Variants in OSBPL11 observed in about 807,000 individuals in gnomAD.
OSBPL11 encodes oxysterol binding protein like 11.
Under a neutral mutation model 84.4 loss-of-function variants are expected in OSBPL11, and 33 were observed. The observed-to-expected ratio is 0.39, with a 90% CI of 0.30 to 0.52. The LOEUF is 0.52. Among genes scored for constraint, OSBPL11 ranks in the 20% least tolerant of loss-of-function variants. OSBPL11 has a pLI of 0.72. For synonymous variants in OSBPL11, 276 were observed against 310.2 expected, an observed-to-expected ratio of 0.89 and a Z score of 1.16; for missense variants, 736 against 901.1, an observed-to-expected ratio of 0.82 and a Z score of 2.35.
At chr3:125,550,367 C>T (rs1935882330) in intron 9 of OSBPL11, among the ~76,000 whole-genome samples, 1 of 125,986 alleles carries the variant, frequency 7.9e-6, no homozygotes, top group Non-Finnish European at 1.6e-5. Context: ...ACAGCTAGAC[C>T]GTGTCACACA....
Position 125,532,125 on chromosome 3 carries a change from C to T in OSBPL11, c.2025-111G>A, listed in dbSNP as rs1334972334. On this transcript the variant is annotated intron_variant, in intron 11 of 12. Coordinates refer to ENST00000296220, the MANE Select transcript of OSBPL11 (RefSeq NM_022776.5). ...TTATAAAATAACGTTTCCTAAATCA[C>T]ATCTACAATGTCATGCTTATGAATT... is the stretch of plus-strand genomic sequence containing the variant. 23 of 1,102,624 alleles carry T rather than the reference C, an allele frequency of 2.1e-5. 1 individual carries two copies. In the South Asian group the frequency reaches 2.9e-4, roughly 14 times the overall value. The allele number at this position is 1,102,624 out of a possible 1,614,324, so 68.3% of individuals were successfully genotyped here.
chr3:125,575,414 A>T (rs1477041155), intron 5 of OSBPL11, among the ~76,000 whole-genome samples: 1 of 152,046 alleles, frequency 6.6e-6, no homozygotes, highest in African/African-American at 2.4e-5. Flanking sequence ...TGTTTTAGAG[A>T]CAGGTCTTAC....
Position 125,552,322 on chromosome 3 carries a change from C to T in OSBPL11, c.1513G>A (p.Val505Ile). The T allele has an allele frequency of 6.2e-7, 1 of 1,614,076 alleles. No homozygotes were observed. The highest frequency in any genetic ancestry group is 8.5e-7 in the Non-Finnish European group (1 of 1,180,024). ...GGATGATGAGAAACCTGCTCAGCAA[C>T]AAATCTGACTGTGTAACAGTCTGAT... is the stretch of plus-strand genomic sequence containing the variant. ...VGSDCYTVRFVAEQVSHHPPV... is the reference protein window; with the variant it reads ...VGSDCYTVRFIAEQVSHHPPV... The change falls in exon 9 of 13, where the codon GTT becomes ATT. Residue 505 changes from valine to isoleucine, a missense_variant. Physicochemically the swap from Val to Ile is conservative, Grantham distance 29 (BLOSUM62 3). Coordinates refer to ENST00000296220, the MANE Select transcript of OSBPL11 (RefSeq NM_022776.5).
intron 5 of OSBPL11, 97 bp downstream of exon 5, chr3:125,576,092 C>T: frequency 1.9e-6 from 2 of 1,040,112 alleles, no homozygotes; most frequent in Non-Finnish European, 2.8e-6. Flanking sequence ...ACAATGAAGG[C>T]CCTTGAAGAC....
rs760519614 is a variant in OSBPL11 at position 125,563,856 on chromosome 3, G to C, written c.869-13C>G. On this transcript the variant is annotated splice_polypyrimidine_tract_variant and intron_variant, in intron 6 of 12. Transcript: ENST00000296220. ...TCGATTGTCGTTCCTGATGGAGTAAGAGAAAACTTTCGCTGAAACTTGCTC... is the reference window on the plus strand; with the variant it reads ...TCGATTGTCGTTCCTGATGGAGTAACAGAAAACTTTCGCTGAAACTTGCTC... The C allele has an allele frequency of 1.9e-6, 3 of 1,608,146 alleles. No individual in the cohort carries two copies. In the Admixed American group the frequency reaches 5.2e-5, roughly 28 times the overall value.
intron 11 of OSBPL11, among the ~76,000 whole-genome samples, chr3:125,532,811 G>A (rs949210266): frequency 2.3e-5 from 1 of 42,950 alleles, no homozygotes; most frequent in Admixed American, 2.2e-4. Flanking sequence ...ATTATGGATA[G>A]GCAAAATGTG....
At chr3:125,569,169 A>G in intron 5 of OSBPL11, among the ~76,000 whole-genome samples, 1 of 151,998 alleles carries the variant, frequency 6.6e-6, no homozygotes, top group East Asian at 1.9e-4. Context: ...TGCTGGTCTC[A>G]AACTCCTGGG....
rs1935519054 is a variant in OSBPL11 at position 125,529,074 on chromosome 3, A to G, written c.*1441T>C. The G allele has an allele frequency of 6.6e-6, 1 of 152,642 alleles. No individual in the cohort carries two copies. Among genetic ancestry groups the G allele is most frequent in the Non-Finnish European group, 1.5e-5 (1 of 68,036 alleles). 9.5% of individuals were successfully genotyped at this position (152,642 alleles called of 1,614,324 possible). A position where few individuals can be genotyped will look rare whatever the true frequency, so the allele number is the denominator to read the frequency against. ...CTACTAACCTCTTTAACAGAACACA[A>G]TTTATCAGAGCACAAAGCTTAAACT... On this transcript the variant is annotated 3_prime_UTR_variant, in exon 13 of 13. Transcript: ENST00000296220.
At chr3:125,582,867 C>G (rs2979382) in intron 2 of OSBPL11, 43 bp downstream of exon 2, 668,192 of 1,363,778 alleles carry the variant, frequency 0.49, 168,612 homozygotes, top group African/African-American at 0.8. Flanking sequence ...CCTATTCCTG[C>G]TCTCTTAGGA....
intron 1 of OSBPL11, among the ~76,000 whole-genome samples, chr3:125,584,068 G>A (rs553412766): frequency 7.2e-5 from 11 of 152,104 alleles, no homozygotes; most frequent in South Asian, 2.1e-4. Flanking sequence ...TCAGCTTCCC[G>A]AAAAACTTAT....
chr3:125,529,068 A>T lies in OSBPL11; in HGVS notation c.*1447T>A, dbSNP rs1009133144. On this transcript the variant is annotated 3_prime_UTR_variant, in exon 13 of 13. Transcript: ENST00000296220. ...TTCATCCTACTAACCTCTTTAACAG[A>T]ACACAATTTATCAGAGCACAAAGCT... 37 of 152,648 alleles carry T rather than the reference A, an allele frequency of 2.4e-4. No homozygotes were observed. Among genetic ancestry groups the T allele is most frequent in the African/African-American group, 8.7e-4 (36 of 41,460 alleles). The allele number at this position is 152,648 out of a possible 1,614,324, so 9.5% of individuals were successfully genotyped here.
chr3:125,586,543 C>T (rs28583173), intron 1 of OSBPL11, among the ~76,000 whole-genome samples: 10,300 of 149,134 alleles, frequency 0.069, 491 homozygotes, highest in Non-Finnish European at 0.1. Context: ...GATGGAGTCT[C>T]GCTCTGTCAC....
chr3:125,585,183 T>G (rs1294976205), intron 1 of OSBPL11, among the ~76,000 whole-genome samples: 2 of 152,158 alleles, frequency 1.3e-5, no homozygotes, highest in South Asian at 2.1e-4. Context: ...TAGGCTGGAG[T>G]GCAGTGGTGT....
At chr3:125,567,625 C>G in intron 5 of OSBPL11, 30 bp from the exon 6 acceptor site, 1 of 1,559,168 alleles carries the variant, frequency 6.4e-7, no homozygotes, top group Non-Finnish European at 8.8e-7. Context: ...GTGGGTCCTA[C>G]TCATGATTTC....
chr3:125,551,807 A>C (rs1296128589), intron 9 of OSBPL11, among the ~76,000 whole-genome samples: 2 of 152,066 alleles, frequency 1.3e-5, no homozygotes, highest in African/African-American at 4.8e-5. Context: ...AAACGAAAAG[A>C]AATATTTAAA....
intron 12 of OSBPL11, among the ~76,000 whole-genome samples, chr3:125,530,994 T>G (rs991725665): frequency 6.6e-6 from 1 of 151,216 alleles, no homozygotes; most frequent in Non-Finnish European, 1.5e-5. Context: ...CTTTTTTTTT[T>G]CCCCCAAGAC....
intron 3 of OSBPL11, among the ~76,000 whole-genome samples, chr3:125,579,555 T>A (rs71325857): frequency 0.067 from 10,193 of 152,190 alleles, 467 homozygotes; most frequent in Non-Finnish European, 0.098. Flanking sequence ...CTAAACCAAG[T>A]AAAGGGGTGA....
At chr3:125,560,057 C>T (rs1385731841) in intron 8 of OSBPL11, among the ~76,000 whole-genome samples, 6 of 151,894 alleles carry the variant, frequency 4.0e-5, no homozygotes, top group Admixed American at 1.3e-4. Context: ...GTCAGGAGCT[C>T]GAGACCCGCC....
intron 5 of OSBPL11, among the ~76,000 whole-genome samples, chr3:125,575,819 G>A (rs1365237877): frequency 6.6e-6 from 1 of 151,880 alleles, no homozygotes. Flanking sequence ...TTACAGGCTT[G>A]AGCCATCATG....
Sources: gnomAD v4.1 joint callset for allele counts (sites outside exome capture counted in the v4.1 genomes callset) on GRCh38, gnomAD v4.1.1 for gene constraint, MANE v1.5 for transcripts, NCBI Gene and HGNC (gene_info 2026-07-23, HGNC 2026-07-21) for gene names.